DUSP16: variants seen among roughly 807,000 people sequenced by gnomAD.
The protein encoded by DUSP16 is dual specificity protein phosphatase 16.
DUSP16 carries 21 observed loss-of-function variants against 58.3 expected under a neutral mutation model. The observed-to-expected ratio is 0.36, with a 90% CI of 0.26 to 0.52. The LOEUF (loss-of-function observed/expected upper bound fraction) is 0.52, where lower values mean the gene tolerates loss of function less well. DUSP16 is among the 20% of genes least tolerant of loss of function. The pLI, the probability that DUSP16 is intolerant of heterozygous loss-of-function variation, is 0.94. For missense variants in DUSP16, 726 were observed against 819.0 expected, an observed-to-expected ratio of 0.89 and a Z score of 1.39; for synonymous variants, 320 against 323.8, an observed-to-expected ratio of 0.99 and a Z score of 0.12.
At chr12:12,551,499 A>G (rs990989844) in intron 1 of DUSP16, among the ~76,000 whole-genome samples, 1 of 151,774 alleles carries the variant, frequency 6.6e-6, no homozygotes, top group Admixed American at 6.6e-5. Context: ...TCTGTTGCCA[A>G]TGATATAAAT....
At chr12:12,532,166 A>G (rs1312813083) in intron 1 of DUSP16, among the ~76,000 whole-genome samples, 1 of 116,114 alleles carries the variant, frequency 8.6e-6, no homozygotes, top group Non-Finnish European at 2.0e-5. Flanking sequence ...CTCCGTCTCA[A>G]AAAAAAAACA....
At chr12:12,500,816 G>A (rs1565997737) in intron 3 of DUSP16, 134 bp from the exon 4 acceptor site, 5 of 786,658 alleles carry the variant, frequency 6.4e-6, no homozygotes, top group East Asian at 3.1e-5. Flanking sequence ...CCTGGCTACA[G>A]CTGCTGATGC....
chr12:12,513,497 G>A (rs1381883225), intron 3 of DUSP16, among the ~76,000 whole-genome samples: 1 of 152,298 alleles, frequency 6.6e-6, no homozygotes, highest in South Asian at 2.1e-4. Context: ...GGAATTACTT[G>A]TGGATGTGGG....
At chr12:12,503,359 G>A (rs1000902045) in intron 3 of DUSP16, among the ~76,000 whole-genome samples, 12 of 151,678 alleles carry the variant, frequency 7.9e-5, no homozygotes, top group Non-Finnish European at 1.5e-4. Context: ...CCGAGTAGCT[G>A]GGACTACAGG....
At position 12,545,460 on chromosome 12, in the gene DUSP16, T is replaced by TTC. The variant is rs1555169401; in HGVS notation, c.-366+16656_-366+16657insGA. 3.4e-4 allele frequency among the ~76,000 whole-genome samples: 51 copies of TTC among 147,858 alleles called. 1 individual carries two copies. Among genetic ancestry groups the TTC allele is most frequent in the Middle Eastern group, 3.4e-3 (1 of 290 alleles). On this transcript the variant is annotated intron_variant, in intron 1 of 6. Coordinates refer to ENST00000298573, the MANE Select transcript of DUSP16 (RefSeq NM_030640.3). ...TTGTGTACTTTTTTTTTTTTTTTTT[T>TTC]CCGTAAAGACAAGGTTTCACCATGT...
intron 3 of DUSP16, among the ~76,000 whole-genome samples, chr12:12,510,360 C>T (rs1944058966): frequency 6.6e-6 from 1 of 152,200 alleles, no homozygotes; most frequent in Non-Finnish European, 1.5e-5. Flanking sequence ...ATCTGACTAA[C>T]TTGTAAACTG....
intron 1 of DUSP16, among the ~76,000 whole-genome samples, chr12:12,525,731 TAC>T (rs35552389): frequency 0.22 from 32,740 of 145,872 alleles, 4,098 homozygotes; most frequent in Admixed American, 0.29. Context: ...AATATATGTA[TAC>T]ACACACACAC....
intron 1 of DUSP16, among the ~76,000 whole-genome samples, chr12:12,544,884 ATCTT>A (rs1397358501): frequency 3.9e-5 from 6 of 152,196 alleles, no homozygotes; most frequent in African/African-American, 1.4e-4. Flanking sequence ...TTATCGAAAG[ATCTT>A]TCTTTCCACA....
intron 1 of DUSP16, 143 bp from the exon 2 acceptor site, chr12:12,521,606 C>T (rs958899290): frequency 1.0e-4 from 24 of 238,696 alleles, no homozygotes; most frequent in African/African-American, 2.3e-5. Flanking sequence ...TTTGAACAAA[C>T]AAATAAAAAG....
In DUSP16 at chr12:12,487,097, G is replaced by A. The variant is rs946846822; in HGVS notation, c.622C>T (p.Arg208Cys). ...CAAAAGCTGTCATTCACAGGCACAC[G>A]CAGGAAATGAGACTCGGGGATAAAG... ...PDFIPESHFL[R>C]VPVNDSFCEK... Residue 208 changes from arginine to cysteine, a missense_variant, in exon 5 of 7, where the codon CGT becomes TGT. Arg to Cys is a radical substitution (Grantham distance 180, BLOSUM62 -3). Coordinates refer to ENST00000298573, the MANE Select transcript of DUSP16 (RefSeq NM_030640.3). 8.1e-6 allele frequency: 13 copies of A among 1,613,996 alleles called. No individual in the cohort carries two copies. Among genetic ancestry groups the A allele is most frequent in the South Asian group, 6.6e-5 (6 of 91,092 alleles).
At position 12,477,288 on chromosome 12, in the gene DUSP16, T is replaced by G; in HGVS notation, c.1543A>C (p.Thr515Pro). ...GTGGAAAGGCCGAAAAGGAAGCTGG[T>G]GTGGTAATTGTCCTCCACGCTCCCA... The part of the protein sequence containing the change: ...RSGSVEDNYH[T>P]SFLFGLSTSQ... Residue 515 changes from threonine to proline, a missense_variant, in exon 7 of 7, where the codon ACC becomes CCC. Coordinates refer to ENST00000298573, the MANE Select transcript of DUSP16 (RefSeq NM_030640.3). This position sits in a 1 kb window ranked among gnomAD's most constrained non-coding sequence, Gnocchi z 4.1. 6.2e-7 allele frequency: 1 copy of G among 1,614,176 alleles called. No individual in the cohort carries two copies. The highest frequency in any genetic ancestry group is 1.6e-4 in the Middle Eastern group (1 of 6,062).
In DUSP16 at chr12:12,533,663, T is replaced by C. The variant is rs562567859; in HGVS notation, c.-365-12200A>G. On this transcript the variant is annotated intron_variant, in intron 1 of 6. Coordinates refer to ENST00000298573, the MANE Select transcript of DUSP16 (RefSeq NM_030640.3). Reference sequence around the variant, plus strand: ...ACAACCTAGGCCTGCTCAGTTTCTTTGCTCCATGAGGGCAAAACTAACCCT... The same window carrying C: ...ACAACCTAGGCCTGCTCAGTTTCTTCGCTCCATGAGGGCAAAACTAACCCT... Among the ~76,000 whole-genome samples the C allele has an allele frequency of 2.6e-5, 4 of 152,320 alleles. No individual in the cohort carries two copies. The East Asian group carries it at 7.7e-4, about 29-fold the overall frequency.
intron 3 of DUSP16, among the ~76,000 whole-genome samples, chr12:12,508,192 G>A (rs1480867577): frequency 1.3e-5 from 2 of 152,114 alleles, no homozygotes; most frequent in Non-Finnish European, 2.9e-5. Flanking sequence ...GAGTAATTCT[G>A]TTATGCCTCA....
In DUSP16 at chr12:12,560,438, T is replaced by C. The variant is rs79379675; in HGVS notation, c.-366+1679A>G. On this transcript the variant is annotated intron_variant, in intron 1 of 6. Coordinates refer to ENST00000298573, the MANE Select transcript of DUSP16 (RefSeq NM_030640.3). ...ATCCAACTCTTGGGCTGGTGTTATT[T>C]AGCCTATATTTTTACATAAGACTGT... Among the ~76,000 whole-genome samples, 48 of 152,334 alleles carry C rather than the reference T, an allele frequency of 3.2e-4. 1 individual carries two copies. The East Asian group carries it at 9.2e-3, about 29-fold the overall frequency.
At chr12:12,540,658 CAGG>C (rs899947273) in intron 1 of DUSP16, among the ~76,000 whole-genome samples, 1 of 152,188 alleles carries the variant, frequency 6.6e-6, no homozygotes, top group Non-Finnish European at 1.5e-5. Context: ...TAGAAGTCAA[CAGG>C]AGGAGGTGAG....
rs927705099 is a variant in DUSP16, at chr12:12,474,649, A to G, written c.*2184T>C. ...GCACTAAAGGCTGTAGGATGTGACT[A>G]CATCACAGTTCCAGAAGGAAGGGGG... On this transcript the variant is annotated 3_prime_UTR_variant, in exon 7 of 7. Transcript: ENST00000298573. 1 of 117,182 alleles carries G rather than the reference A, an allele frequency of 8.5e-6. No individual in the cohort carries two copies. The highest frequency in any genetic ancestry group is 1.8e-5 in the Non-Finnish European group (1 of 55,072). The allele number at this position is 117,182 out of a possible 1,614,324, so 7.3% of individuals were successfully genotyped here.
At chr12:12,496,550 C>T (rs1370690569) in intron 4 of DUSP16, among the ~76,000 whole-genome samples, 1 of 152,204 alleles carries the variant, frequency 6.6e-6, no homozygotes, top group African/African-American at 2.4e-5. Context: ...AAAGAAGCTG[C>T]AGTGGTTCAC....
intron 1 of DUSP16, among the ~76,000 whole-genome samples, chr12:12,557,298 C>T (rs1412153411): frequency 6.7e-6 from 1 of 149,978 alleles, no homozygotes; most frequent in South Asian, 2.1e-4. Flanking sequence ...TACTAAAATA[C>T]AAAAAAAAAT....
At chr12:12,540,949 C>CTTTTTTTTTTT (rs1191975095) in intron 1 of DUSP16, among the ~76,000 whole-genome samples, 53 of 43,804 alleles carry the variant, frequency 1.2e-3, no homozygotes, top group Non-Finnish European at 1.8e-3. Context: ...CTTTTCTTTT[C>CTTTTTTTTTTT]TTTTTTTTTT....
Sources: allele counts gnomAD v4.1 joint callset (sites outside exome capture counted in the v4.1 genomes callset), GRCh38; gene constraint gnomAD v4.1.1; non-coding constraint Gnocchi (gnomAD v3.1); transcripts MANE v1.5; gene names NCBI Gene and HGNC (gene_info 2026-07-23, HGNC 2026-07-21).